Variants in CANX observed in about 807,000 individuals in gnomAD.
CANX encodes epididymis secretory sperm binding protein.
Under a neutral mutation model 75.7 loss-of-function variants are expected in CANX, and 14 were observed. The observed-to-expected ratio is 0.19, with a 90% CI of 0.12 to 0.29. The LOEUF is 0.29. CANX is among the 10% of genes least tolerant of loss of function. CANX has a pLI of 1.00. For missense variants in CANX, 567 were observed against 713.2 expected, an observed-to-expected ratio of 0.79 and a Z score of 2.34; for synonymous variants, 227 against 236.9, an observed-to-expected ratio of 0.96 and a Z score of 0.38.
intron 1 of CANX, among the ~76,000 whole-genome samples, chr5:179,682,709 C>CAAAA (rs11461581): frequency 4.1e-5 from 4 of 97,892 alleles, no homozygotes; most frequent in East Asian, 3.1e-4. Context: ...GACTCTGTCT[C>CAAAA]AAAAAAAAAA....
chr5:179,717,689 G>A (rs1055098585), intron 8 of CANX, among the ~76,000 whole-genome samples: 1 of 150,716 alleles, frequency 6.6e-6, no homozygotes, highest in Non-Finnish European at 1.5e-5. Flanking sequence ...TCATGTACTG[G>A]TTTTTACATA....
chr5:179,678,897 A>C (rs2127760305), intron 1 of CANX: 6 of 1,534,900 alleles, frequency 3.9e-6, no homozygotes, highest in East Asian at 2.4e-5. Flanking sequence ...TCAGTGGTCC[A>C]CCGCCCGCCG....
intron 9 of CANX, among the ~76,000 whole-genome samples, 153 bp downstream of exon 9, chr5:179,719,934 C>T (rs562429770): frequency 2.0e-5 from 3 of 152,028 alleles, no homozygotes; most frequent in South Asian, 2.1e-4. Flanking sequence ...TGATTCTCCT[C>T]CATCAGCCTT....
intron 1 of CANX, among the ~76,000 whole-genome samples, chr5:179,685,731 T>G (rs1776180129): frequency 6.6e-6 from 1 of 151,568 alleles, no homozygotes; most frequent in African/African-American, 2.4e-5. Flanking sequence ...ATTTTTGTAT[T>G]TTTAGTAGAG....
intron 1 of CANX, among the ~76,000 whole-genome samples, chr5:179,684,055 C>G (rs746715103): frequency 1.3e-5 from 2 of 152,032 alleles, no homozygotes; most frequent in Non-Finnish European, 2.9e-5. Flanking sequence ...AACATTTTTG[C>G]TCATCTTTGT....
chr5:179,706,969 G>C (rs1777179525), intron 3 of CANX, among the ~76,000 whole-genome samples, 163 bp from the exon 4 acceptor site: 1 of 152,180 alleles, frequency 6.6e-6, no homozygotes, highest in African/African-American at 2.4e-5. Context: ...GTGAGTTGAA[G>C]ATAATGTATT....
At position 179,709,881 on chromosome 5, in the gene CANX, C is replaced by G. The variant is rs758832045; in HGVS notation, c.537C>G (p.Phe179Leu). 1.1e-5 allele frequency: 17 copies of G among 1,586,736 alleles called. No individual in the cohort carries two copies. The highest frequency in any genetic ancestry group is 1.4e-5 in the African/African-American group (1 of 73,102). ...CTTTTTTGTTTTTGAAGGATCAGTTCCATGACAAGACCCCTTATACGATTA... is the reference window on the plus strand; with the variant it reads ...CTTTTTTGTTTTTGAAGGATCAGTTGCATGACAAGACCCCTTATACGATTA... ...SKTPELNLDQFHDKTPYTIMF... is the reference protein window; with the variant it reads ...SKTPELNLDQLHDKTPYTIMF... The change falls in exon 7 of 15, where the codon TTC (phenylalanine) becomes TTG (leucine). Residue 179 changes from phenylalanine (F) to leucine (L), a missense_variant. Around this residue, in one of 3 missense-constraint regions of CANX, gnomAD observed 351 missense variants for 433.8 expected, o/e 0.81. Coordinates refer to ENST00000247461, the MANE Select transcript of CANX (RefSeq NM_001746.4).
chr5:179,711,566 A>G (rs557331951), intron 7 of CANX, among the ~76,000 whole-genome samples: 127 of 152,182 alleles, frequency 8.3e-4, no homozygotes, highest in Non-Finnish European at 1.6e-3. Context: ...AGGTGGGCGG[A>G]TCACCTGAGG....
At chr5:179,698,724 G>A (rs1175743198), upstream of CANX, 1 of 752,932 alleles carries the variant, frequency 1.3e-6, no homozygotes. Flanking sequence ...GATCCAGCGT[G>A]GCCCGCCCCT....
intron 13 of CANX, among the ~76,000 whole-genome samples, chr5:179,726,035 T>C (rs1661407718): frequency 6.6e-6 from 1 of 151,112 alleles, no homozygotes; most frequent in African/African-American, 2.4e-5. Context: ...ACGCCTATAA[T>C]CCCAGCACTT....
At chr5:179,703,085 G>A (rs879898366) in intron 1 of CANX, among the ~76,000 whole-genome samples, 6 of 151,786 alleles carry the variant, frequency 4.0e-5, no homozygotes, top group Non-Finnish European at 7.4e-5. Flanking sequence ...GCTAATTTTT[G>A]TATTTTTAGT....
chr5:179,715,926 T>C lies in CANX; in HGVS notation c.722-179T>C, dbSNP rs188175424. 225 of 690,854 alleles carry C rather than the reference T, an allele frequency of 3.3e-4. 1 individual carries two copies. In the African/African-American group the frequency reaches 3.7e-3, roughly 11 times the overall value. The allele number at this position is 690,854 out of a possible 1,614,324, so 42.8% of individuals were successfully genotyped here. A position where few individuals can be genotyped will look rare whatever the true frequency, so the allele number is the denominator to read the frequency against. On this transcript the variant is annotated intron_variant, in intron 7 of 14. Transcript: ENST00000247461. The stretch of plus-strand genomic sequence containing the variant: ...AGCCGAGGGACTAATCATTTATGTT[T>C]CGTGCATAAGGAAATGGGCGTTAGC...
chr5:179,687,487 C>A (rs1040130288), intron 1 of CANX, among the ~76,000 whole-genome samples: 2 of 152,154 alleles, frequency 1.3e-5, no homozygotes, highest in Admixed American at 1.3e-4. Context: ...CAATAATATT[C>A]TTTAAGATTG....
chr5:179,722,773 A>G lies in CANX; in HGVS notation c.1183-31A>G, dbSNP rs200974583. On this transcript the variant is annotated intron_variant, in intron 10 of 14. Transcript: ENST00000247461. Reference sequence around the variant, plus strand: ...ATAAACTTTTGTTGATCATTATCTGAAATGATTTTCTGAAACATTTTTTTT... The same window carrying G: ...ATAAACTTTTGTTGATCATTATCTGGAATGATTTTCTGAAACATTTTTTTT... The G allele has an allele frequency of 1.0e-4, 152 of 1,489,898 alleles. No homozygotes were observed. The African/African-American group carries it at 1.9e-3, about 18-fold the overall frequency. The allele number at this position is 1,489,898 out of a possible 1,614,324, so 92.3% of individuals were successfully genotyped here.
Position 179,698,981 on chromosome 5 carries a change from C to A in CANX, c.-125C>A. On this transcript the variant is annotated 5_prime_UTR_variant, in exon 1 of 15. Coordinates refer to ENST00000247461, the MANE Select transcript of CANX (RefSeq NM_001746.4). ...GCTCGCGCGGCAGCGGTGGCCGAGG[C>A]CTCTTGGTTCTGCGGCACGTGACGG... 1.8e-6 allele frequency: 2 copies of A among 1,125,912 alleles called. No individual in the cohort carries two copies. Among genetic ancestry groups the A allele is most frequent in the Non-Finnish European group, 2.2e-6 (2 of 912,716 alleles). The allele number at this position is 1,125,912 out of a possible 1,614,324, so 69.7% of individuals were successfully genotyped here.
intron 8 of CANX, among the ~76,000 whole-genome samples, chr5:179,717,225 G>C (rs1778018177): frequency 6.6e-6 from 1 of 152,090 alleles, no homozygotes; most frequent in African/African-American, 2.4e-5. Flanking sequence ...ACATATAACT[G>C]AACTTTTGTA....
intron 1 of CANX, among the ~76,000 whole-genome samples, chr5:179,683,712 T>G (rs900651159): frequency 1.3e-5 from 2 of 151,930 alleles, no homozygotes; most frequent in African/African-American, 4.8e-5. Context: ...TTTTGTATTT[T>G]TAGTAGAGAT....
At chr5:179,714,656 T>C (rs1480857729) in intron 7 of CANX, among the ~76,000 whole-genome samples, 1 of 152,162 alleles carries the variant, frequency 6.6e-6, no homozygotes, top group East Asian at 1.9e-4. Flanking sequence ...TAGCTGGGAC[T>C]ACAGGTGCCC....
At chr5:179,697,648 T>A (rs1355853452), upstream of CANX, among the ~76,000 whole-genome samples, 1 of 152,192 alleles carries the variant, frequency 6.6e-6, no homozygotes, top group Non-Finnish European at 1.5e-5. Flanking sequence ...GGCTCACGCC[T>A]GTAATCCCAG....
Sources: allele counts gnomAD v4.1 joint callset (sites outside exome capture counted in the v4.1 genomes callset), GRCh38; gene constraint gnomAD v4.1.1; regional missense constraint gnomAD v4.1.1; transcripts MANE v1.5; gene names NCBI Gene and HGNC (gene_info 2026-07-23, HGNC 2026-07-21).